Variants in HMGXB3 observed in about 807,000 individuals in gnomAD.
HMGXB3 encodes the protein HMG domain-containing protein 3.
A neutral mutation model predicts 121.5 loss-of-function variants in HMGXB3; 45 were observed. The ratio of observed to expected loss-of-function variants is 0.37; its 90% CI spans 0.29 to 0.47. The LOEUF (loss-of-function observed/expected upper bound fraction) is 0.47. Ranked by LOEUF, HMGXB3 falls within the 20% of genes least tolerant of loss-of-function variation. The probability of loss-of-function intolerance (pLI) is 0.99; values close to 1 mark genes in which losing one functional copy is unlikely to be tolerated. For missense variants in HMGXB3, 1,376 were observed against 1,602.2 expected (o/e 0.86, Z 2.41); for synonymous variants, 590 against 624.1 (o/e 0.95, Z 0.81).
chr5:150,014,813 TG>T, intron 5 of HMGXB3: 1 of 436,850 alleles, frequency 2.3e-6, no homozygotes, highest in Non-Finnish European at 4.1e-6. Context: ...ACTTGGGAGG[TG>T]GGGGAACATA....
chr5:150,001,526 C>T (rs1755564866), intron 1 of HMGXB3, among the ~76,000 whole-genome samples: 1 of 152,184 alleles, frequency 6.6e-6, no homozygotes, highest in Non-Finnish European at 1.5e-5. Flanking sequence ...TTGACCTTAA[C>T]TCTGTTTTAC....
At chr5:150,035,282 C>CG (rs1220168439) in intron 11 of HMGXB3, among the ~76,000 whole-genome samples, 1 of 152,108 alleles carries the variant, frequency 6.6e-6, no homozygotes, top group Non-Finnish European at 1.5e-5. Context: ...AGACTGCCTC[C>CG]ACTCATGGTG....
chr5:150,004,166 G>A (rs900036645), intron 1 of HMGXB3, among the ~76,000 whole-genome samples: 21 of 151,928 alleles, frequency 1.4e-4, no homozygotes, highest in African/African-American at 4.4e-4. Context: ...GAGTCACTGC[G>A]CCCATCCAAT....
chr5:150,018,879 A>G (rs1756018300), intron 6 of HMGXB3, among the ~76,000 whole-genome samples, 182 bp downstream of exon 6: 1 of 152,254 alleles, frequency 6.6e-6, no homozygotes, highest in Non-Finnish European at 1.5e-5. Flanking sequence ...ATAAATTGTT[A>G]TCCAAACTCA....
intron 13 of HMGXB3, among the ~76,000 whole-genome samples, chr5:150,038,761 G>A (rs1325787085): frequency 6.6e-6 from 1 of 152,296 alleles, no homozygotes; most frequent in East Asian, 1.9e-4. Flanking sequence ...CATCCATATT[G>A]TGTTTATCAG....
At chr5:150,023,184 G>C (rs1756142828) in intron 6 of HMGXB3, among the ~76,000 whole-genome samples, 1 of 151,914 alleles carries the variant, frequency 6.6e-6, no homozygotes, top group Non-Finnish European at 1.5e-5. Context: ...AATGTTGAGG[G>C]GTTTTTGGGT....
At position 150,032,424 on chromosome 5, in the gene HMGXB3, T is replaced by A. The variant is rs1187253221; in HGVS notation, c.1834-30T>A. ...CTGCCCAGGTTTAACTTAATTTTTG[T>A]AGAATTGAACACTGGTCTTACTTTT... On this transcript the variant is annotated intron_variant, in intron 10 of 19. Coordinates refer to ENST00000502717, the MANE Select transcript of HMGXB3 (RefSeq NM_014983.3). The A allele has an allele frequency of 5.8e-6, 9 of 1,542,328 alleles. No homozygotes were observed. The Admixed American group carries it at 1.6e-4, about 27-fold the overall frequency.
intron 9 of HMGXB3, among the ~76,000 whole-genome samples, chr5:150,028,434 ATATG>A (rs1261178395): frequency 6.9e-6 from 1 of 144,934 alleles, no homozygotes; most frequent in Non-Finnish European, 1.5e-5. Flanking sequence ...GTATATATAT[ATATG>A]TATGTGTGTG....
chr5:150,048,173 T>C (rs1272701306), intron 17 of HMGXB3, among the ~76,000 whole-genome samples: 1 of 152,276 alleles, frequency 6.6e-6, no homozygotes, highest in Non-Finnish European at 1.5e-5. Context: ...TACTGTTACA[T>C]AGTGTATGTG....
At chr5:150,026,633 T>A in intron 7 of HMGXB3, 73 bp from the exon 8 acceptor site, 2 of 1,277,070 alleles carry the variant, frequency 1.6e-6, no homozygotes, top group African/African-American at 1.5e-5. Flanking sequence ...AAGAAAGCAC[T>A]ATGTAGAGAT....
intron 9 of HMGXB3, among the ~76,000 whole-genome samples, chr5:150,028,501 ATGTATGTGTGTGTGTGTG>A (rs1756291202): frequency 4.1e-5 from 4 of 96,852 alleles, no homozygotes; most frequent in Admixed American, 3.7e-4. Context: ...ATATATATGT[ATGTATGTGTGTGTGTGTG>A]TGTGTGTGTG....
chr5:150,052,085 G>T lies in HMGXB3; in HGVS notation c.3772G>T (p.Gly1258Cys). ...TGACATTGTACAGAGCTGCCAGCCT[G>T]GTGAGGTGGTCATTCGTGACACCCT... ...IHDIVQSCQPGEVVIRDTLYR... is the reference protein window; with the variant it reads ...IHDIVQSCQPCEVVIRDTLYR... The change falls in exon 20 of 20, where the codon GGT (glycine) becomes TGT (cysteine). Residue 1258 changes from glycine to cysteine, a missense_variant. Transcript: ENST00000502717. 1 of 1,551,858 alleles carries T rather than the reference G, an allele frequency of 6.4e-7. No homozygotes were observed. The highest frequency in any genetic ancestry group is 8.7e-7 in the Non-Finnish European group (1 of 1,147,046).
At chr5:150,002,635 TGTG>T (rs1755600707) in intron 1 of HMGXB3, among the ~76,000 whole-genome samples, 1 of 152,136 alleles carries the variant, frequency 6.6e-6, no homozygotes, top group Admixed American at 6.5e-5. Context: ...GATTGAGACT[TGTG>T]GTAAAAGTCC....
At chr5:150,028,495 A>ATGTG (rs1756288882) in intron 9 of HMGXB3, among the ~76,000 whole-genome samples, 1 of 88,190 alleles carries the variant, frequency 1.1e-5, no homozygotes, top group Non-Finnish European at 2.0e-5. Context: ...ATATGTATAT[A>ATGTG]TATGTATGTA....
At chr5:150,005,529 G>A (rs778829823) in intron 2 of HMGXB3, among the ~76,000 whole-genome samples, 6 of 151,376 alleles carry the variant, frequency 4.0e-5, no homozygotes, top group African/African-American at 1.5e-4. Flanking sequence ...AATCTGGGAG[G>A]CGGAGGTTGC....
At chr5:150,011,760 C>T (rs541865054) in intron 4 of HMGXB3, among the ~76,000 whole-genome samples, 26 of 151,758 alleles carry the variant, frequency 1.7e-4, no homozygotes, top group Non-Finnish European at 2.8e-4. Context: ...TGCGCCACCA[C>T]GCCTGGCTAA....
chr5:150,007,153 G>A (rs1469691), intron 3 of HMGXB3, among the ~76,000 whole-genome samples: 128,142 of 152,236 alleles, frequency 0.84, 54,399 homozygotes, highest in African/African-American at 0.96. Context: ...AAACTATGCT[G>A]AAAGCAAAAA....
chr5:150,026,912 G>C, intron 8 of HMGXB3, 31 bp downstream of exon 8: 1 of 1,511,052 alleles, frequency 6.6e-7, no homozygotes, highest in South Asian at 1.3e-5. Context: ...GGGATGGAGG[G>C]GCTGTCTGAC....
At chr5:150,005,598 C>CAAAAA (rs760181326) in intron 2 of HMGXB3, among the ~76,000 whole-genome samples, 5 of 82,010 alleles carry the variant, frequency 6.1e-5, no homozygotes, top group Admixed American at 1.2e-4. Flanking sequence ...AAACTCCTCT[C>CAAAAA]AAAAAAAAAA....
Sources: allele counts gnomAD v4.1 joint callset (sites outside exome capture counted in the v4.1 genomes callset), GRCh38; gene constraint gnomAD v4.1.1; transcripts MANE v1.5; gene names NCBI Gene and HGNC (gene_info 2026-07-23, HGNC 2026-07-21).